The following CCDC33 variants were observed in gnomAD, a reference collection of about 807,000 sequenced individuals.
CCDC33 encodes coiled-coil domain containing 33.
A neutral mutation model predicts 91.9 loss-of-function variants in CCDC33; 94 were observed. The observed-to-expected ratio is 1.02, with a 90% CI of 0.87 to 1.21. The LOEUF (loss-of-function observed/expected upper bound fraction) is 1.21, where lower values mean the gene tolerates loss of function less well. CCDC33 is among the 50% of genes most tolerant of loss of function. The probability of loss-of-function intolerance (pLI) is 0.00; values close to 1 mark genes in which losing one functional copy is unlikely to be tolerated. For synonymous variants in CCDC33, 396 were observed against 374.5 expected, an observed-to-expected ratio of 1.06 and a Z score of -0.66; for missense variants, 940 against 935.5, an observed-to-expected ratio of 1.00 and a Z score of -0.06.
chr15:74,244,363 G>C lies in CCDC33; in HGVS notation c.185+215G>C, dbSNP rs1156457890. On this transcript the variant is annotated intron_variant, in intron 2 of 18. Transcript: ENST00000398814. This position sits in a 1 kb window ranked among gnomAD's most constrained non-coding sequence, Gnocchi z 4.2. Reference sequence around the variant, plus strand: ...AAGACAGGGTGCCAACGGATCCAGAGAGTCACCCCTCCCCACCCCACACCA... The same window carrying C: ...AAGACAGGGTGCCAACGGATCCAGACAGTCACCCCTCCCCACCCCACACCA... Among the ~76,000 whole-genome samples, 1 of 152,164 alleles carries C rather than the reference G, an allele frequency of 6.6e-6. No homozygotes were observed. The highest frequency in any genetic ancestry group is 1.5e-5 in the Non-Finnish European group (1 of 68,022).
At chr15:74,279,894 A>G in intron 7 of CCDC33, 69 bp from the exon 8 acceptor site, 1 of 1,553,490 alleles carries the variant, frequency 6.4e-7, no homozygotes, top group Non-Finnish European at 8.7e-7. Flanking sequence ...ACAAAACCAA[A>G]TATCTGTGTA....
Position 74,240,902 on chromosome 15 carries a change from C to T in CCDC33, c.22-3083C>T, listed in dbSNP as rs930670772. ...GCCACCACACCCGGCCAAGTTGAAA[C>T]CTAGGTCTTTTTGCCCTGAGGCTGC... On this transcript the variant is annotated intron_variant, in intron 1 of 18. Transcript: ENST00000398814. Among the ~76,000 whole-genome samples, 18 of 152,310 alleles carry T rather than the reference C, an allele frequency of 1.2e-4. No homozygotes were observed. In the South Asian group the frequency reaches 3.7e-3, roughly 32 times the overall value.
chr15:74,315,523 G>C (rs1046041081), intron 11 of CCDC33, among the ~76,000 whole-genome samples: 1 of 152,250 alleles, frequency 6.6e-6, no homozygotes, highest in Non-Finnish European at 1.5e-5. Context: ...GGTGACTGGT[G>C]GTGAAGTTAG....
At chr15:74,227,188 C>T (rs1364991044) in intron 2 of CCDC33, among the ~76,000 whole-genome samples, 1 of 152,208 alleles carries the variant, frequency 6.6e-6, no homozygotes, top group Non-Finnish European at 1.5e-5. Context: ...AGGAGATAGA[C>T]AGCTTGCCCA....
intron 10 of CCDC33, among the ~76,000 whole-genome samples, chr15:74,290,830 A>T (rs2059571618): frequency 6.6e-6 from 1 of 152,190 alleles, no homozygotes; most frequent in South Asian, 2.1e-4. Context: ...CAGCAGTAGG[A>T]TGTGATTTCA....
intron 11 of CCDC33, among the ~76,000 whole-genome samples, chr15:74,325,390 C>T (rs1299266851): frequency 4.6e-5 from 7 of 152,130 alleles, no homozygotes; most frequent in Admixed American, 3.3e-4. Flanking sequence ...TCCCCTACCC[C>T]GGGTAACACC....
intron 7 of CCDC33, among the ~76,000 whole-genome samples, chr15:74,277,553 G>A (rs2076481724): frequency 6.6e-6 from 1 of 152,224 alleles, no homozygotes; most frequent in Non-Finnish European, 1.5e-5. Flanking sequence ...CCTTCCATTA[G>A]CATCTGCAGG....
intron 9 of CCDC33, 94 bp from the exon 10 acceptor site, chr15:74,281,667 CTGGGTGCAGCCCGCAGG>C: frequency 1.0e-6 from 1 of 974,382 alleles, no homozygotes; most frequent in Non-Finnish European, 1.6e-6. Context: ...TCCCACCCTC[CTGGGTGCAGCCCGCAGG>C]TGACACCTTC....
In CCDC33 at chr15:74,330,683, CT is replaced by C. The variant is rs1567041311; in HGVS notation, c.1478del (p.Leu493ArgfsTer2). 6.2e-7 allele frequency: 1 copy of C among 1,613,580 alleles called. No homozygotes were observed. Among genetic ancestry groups the C allele is most frequent in the Non-Finnish European group, 8.5e-7 (1 of 1,179,932 alleles). On this transcript the variant is annotated frameshift_variant, in exon 13 of 19. Coordinates refer to ENST00000398814, the MANE Select transcript of CCDC33 (RefSeq NM_025055.5). LOFTEE classifies it high-confidence loss of function. ...AACAGTGTCCATGAAGCAGAAACTG[CT>C]GCTGAGTGAGCTGGATATGAAGAAA... is the stretch of plus-strand genomic sequence containing the variant. Reference protein sequence around the residue: ...QNTVSMKQKLLLSELDMKKLR... With the variant: ...QNTVSMKQKLXLSELDMKKLR...
intron 2 of CCDC33, chr15:74,221,196 T>G (rs1372010792): frequency 1.0e-6 from 1 of 983,296 alleles, no homozygotes; most frequent in East Asian, 1.1e-4. Context: ...GTTCTCCAGT[T>G]TGTGTAGTGT....
chr15:74,305,511 A>G (rs560587075), intron 11 of CCDC33, among the ~76,000 whole-genome samples: 2 of 152,248 alleles, frequency 1.3e-5, no homozygotes, highest in Non-Finnish European at 2.9e-5. Context: ...GAAAAGGAGC[A>G]TCACCCAGGG....
Position 74,244,088 on chromosome 15 carries a change from A to C in CCDC33, c.125A>C (p.His42Pro). 6.2e-7 allele frequency: 1 copy of C among 1,613,952 alleles called. No homozygotes were observed. Among genetic ancestry groups the C allele is most frequent in the Non-Finnish European group, 8.5e-7 (1 of 1,179,930 alleles). ...AAGGAGACCATCATGGTCACCCTCC[A>C]TGGGGCTACCAACCTGCCTGCCTGC... is the stretch of plus-strand genomic sequence containing the variant. Reference protein sequence around the residue: ...SKKETIMVTLHGATNLPACKD... With the variant: ...SKKETIMVTLPGATNLPACKD... Residue 42 changes from histidine (H) to proline (P), a missense_variant, in exon 2 of 19, where the codon CAT (histidine) becomes CCT (proline). His to Pro is a moderately conservative substitution (Grantham distance 77). Transcript: ENST00000398814. This position sits in a 1 kb window ranked among gnomAD's most constrained non-coding sequence, Gnocchi z 4.2.
Position 74,218,934 on chromosome 15 carries a change from G to A in CCDC33, c.675+73G>A. On this transcript the variant is annotated intron_variant, in intron 2 of 2. Transcript: ENST00000635913. The surrounding 1 kb of genome is among the most constrained non-coding windows in gnomAD (Gnocchi z 4.8). ...AAGACCCAGCCTCCGTGATAAGCCA[G>A]GCTACCCCCTGTCCTGAGCTGAGCT... is the stretch of plus-strand genomic sequence containing the variant. 1 of 1,188,580 alleles carries A rather than the reference G, an allele frequency of 8.4e-7. No homozygotes were observed. The allele number at this position is 1,188,580 out of a possible 1,614,324, so 73.6% of individuals were successfully genotyped here.
At chr15:74,289,242 G>A (rs1168969902) in intron 10 of CCDC33, among the ~76,000 whole-genome samples, 1 of 152,222 alleles carries the variant, frequency 6.6e-6, no homozygotes, top group African/African-American at 2.4e-5. Context: ...TGAAATGGGG[G>A]AAGAGACAGA....
At position 74,280,060 on chromosome 15, in the gene CCDC33, C is replaced by A. The variant is rs752125536; in HGVS notation, c.857C>A (p.Ala286Asp). 6.2e-7 allele frequency: 1 copy of A among 1,614,136 alleles called. No individual in the cohort carries two copies. The highest frequency in any genetic ancestry group is 1.7e-5 in the Admixed American group (1 of 60,024). Residue 286 changes from alanine (A) to aspartate (D), a missense_variant, in exon 8 of 19, where the codon GCC becomes GAC. Ala to Asp is a moderately radical substitution (Grantham distance 126, BLOSUM62 -2). Transcript: ENST00000398814. ...DGATSFSEDTALVLEYYSSTS... is the reference protein window; with the variant it reads ...DGATSFSEDTDLVLEYYSSTS... ...GCTACCAGCTTCTCAGAAGACACAGCCCTGGTGCTGGAGTACTACTCCTCA... is the reference window on the plus strand; with the variant it reads ...GCTACCAGCTTCTCAGAAGACACAGACCTGGTGCTGGAGTACTACTCCTCA...
In CCDC33 at chr15:74,272,760, T is replaced by TGCCTCCCC. The variant is rs2142440090; in HGVS notation, c.639-10_639-3dup. The TGCCTCCCC allele has an allele frequency of 6.2e-7, 1 of 1,613,664 alleles. No individual in the cohort carries two copies. The highest frequency in any genetic ancestry group is 2.2e-5 in the East Asian group (1 of 44,882). On this transcript the variant is annotated splice_polypyrimidine_tract_variant and intron_variant, in intron 6 of 18. Transcript: ENST00000398814. ...GCCCAGAGCACTGACCCTGTCTCCC[T>TGCCTCCCC]GCCTCCCCAGGGTCAGCCAGGCTAA...
At chr15:74,203,208 C>T in intron 1 of CCDC33, 1 of 972,906 alleles carries the variant, frequency 1.0e-6, no homozygotes, top group East Asian at 1.3e-4. Flanking sequence ...CATTGGTAAA[C>T]CCTTTTTGTT....
chr15:74,333,853 C>A (rs1055552178), intron 16 of CCDC33, 28 bp from the exon 17 acceptor site: 4 of 1,594,926 alleles, frequency 2.5e-6, no homozygotes, highest in Non-Finnish European at 3.4e-6. Flanking sequence ...CAGCTGGGGC[C>A]AAATGTGAGT....
chr15:74,308,444 C>T (rs552607183), intron 11 of CCDC33, among the ~76,000 whole-genome samples: 1 of 151,756 alleles, frequency 6.6e-6, no homozygotes, highest in African/African-American at 2.4e-5. Flanking sequence ...CAGTTCACTC[C>T]CAGTTTAATC....
Sources: allele counts gnomAD v4.1 joint callset (sites outside exome capture counted in the v4.1 genomes callset), GRCh38; gene constraint gnomAD v4.1.1; non-coding constraint Gnocchi (gnomAD v3.1); transcripts MANE v1.5; gene names NCBI Gene and HGNC (gene_info 2026-07-23, HGNC 2026-07-21).